Variants in RARB observed in about 807,000 individuals in gnomAD.
The protein encoded by RARB is HBV-activated protein.
RARB carries 17 observed loss-of-function variants against 51.9 expected under a neutral mutation model. The observed-to-expected ratio is 0.33, with a 90% CI of 0.22 to 0.49. The LOEUF (loss-of-function observed/expected upper bound fraction) is 0.49, where lower values mean the gene tolerates loss of function less well. Among genes scored for constraint, RARB ranks in the 20% least tolerant of loss-of-function variants. The pLI is 0.99. For synonymous variants in RARB, 215 were observed against 195.4 expected (o/e 1.10, Z -0.84); for missense variants, 369 against 550.8 (o/e 0.67, Z 3.30).
intron 3 of RARB, among the ~76,000 whole-genome samples, chr3:25,123,380 A>G (rs1022519521): frequency 3.9e-5 from 6 of 152,232 alleles, no homozygotes; most frequent in East Asian, 3.9e-4. Context: ...CCTCAAAATC[A>G]TAGTGGGCTT....
intron 5 of RARB, among the ~76,000 whole-genome samples, chr3:25,264,001 C>A (rs1337111005): frequency 1.3e-5 from 2 of 152,038 alleles, no homozygotes; most frequent in Admixed American, 1.3e-4. Flanking sequence ...TTGTTTTGCA[C>A]AATGGCAACA....
chr3:25,448,710 G>T (rs1006837256), intron 1 of RARB, among the ~76,000 whole-genome samples: 1 of 152,104 alleles, frequency 6.6e-6, no homozygotes, highest in African/African-American at 2.4e-5. Flanking sequence ...CAGGTGATCC[G>T]CCTGTCTTGG....
intron 5 of RARB, among the ~76,000 whole-genome samples, chr3:25,417,077 G>C (rs1707723775): frequency 6.6e-6 from 1 of 151,912 alleles, no homozygotes; most frequent in African/African-American, 2.4e-5. Context: ...CACATAGCCA[G>C]AACAAGCCTA....
At chr3:25,418,604 G>T (rs1424018322) in intron 5 of RARB, among the ~76,000 whole-genome samples, 1 of 150,548 alleles carries the variant, frequency 6.6e-6, no homozygotes, top group African/African-American at 2.5e-5. Flanking sequence ...ATCTCAACAG[G>T]TGTGAAAGAA....
At chr3:25,019,093 CTT>C in intron 2 of RARB, among the ~76,000 whole-genome samples, 1 of 152,262 alleles carries the variant, frequency 6.6e-6, no homozygotes, top group South Asian at 2.1e-4. Flanking sequence ...AGAGATGACT[CTT>C]GGGAAATCAC....
intron 5 of RARB, among the ~76,000 whole-genome samples, chr3:25,407,617 A>G (rs1005080479): frequency 1.3e-5 from 2 of 152,092 alleles, no homozygotes; most frequent in Non-Finnish European, 2.9e-5. Context: ...CGTTTTATAT[A>G]TTTGCACATG....
chr3:24,995,794 T>G (rs1385385855), intron 2 of RARB, among the ~76,000 whole-genome samples: 1 of 152,124 alleles, frequency 6.6e-6, no homozygotes, highest in African/African-American at 2.4e-5. Context: ...ACCATCCTTG[T>G]ATCCCTGGGA....
At chr3:24,974,800 G>A (rs967269011) in intron 2 of RARB, among the ~76,000 whole-genome samples, 4 of 152,130 alleles carry the variant, frequency 2.6e-5, no homozygotes, top group South Asian at 2.1e-4. Context: ...ACTCTCAACC[G>A]TTAACATTTT....
intron 5 of RARB, among the ~76,000 whole-genome samples, chr3:25,407,290 G>A (rs1223800957): frequency 3.3e-5 from 5 of 152,160 alleles, no homozygotes; most frequent in East Asian, 1.9e-4. Flanking sequence ...ATAAACTTCA[G>A]TCTTTAGAAA....
chr3:25,295,039 G>C (rs1028937067), intron 5 of RARB, among the ~76,000 whole-genome samples: 4 of 152,176 alleles, frequency 2.6e-5, no homozygotes, highest in Non-Finnish European at 5.9e-5. Flanking sequence ...TTTCCCAAAA[G>C]AGTAATATGT....
chr3:25,327,668 G>T (rs959112116), intron 5 of RARB, among the ~76,000 whole-genome samples: 1 of 152,162 alleles, frequency 6.6e-6, no homozygotes, highest in Non-Finnish European at 1.5e-5. Context: ...AAACAGAAAG[G>T]ATTCATGAAA....
intron 5 of RARB, among the ~76,000 whole-genome samples, chr3:25,198,752 C>G (rs1701309960): frequency 6.6e-6 from 1 of 152,004 alleles, no homozygotes; most frequent in African/African-American, 2.4e-5. Context: ...TCATCTTACC[C>G]AAGTTAAAAT....
intron 5 of RARB, among the ~76,000 whole-genome samples, chr3:25,281,708 G>A (rs530759550): frequency 6.6e-6 from 1 of 152,294 alleles, no homozygotes; most frequent in East Asian, 1.9e-4. Context: ...CTCTGTTGAG[G>A]AGGATTTTAA....
At chr3:25,367,140 T>C (rs543856321) in intron 5 of RARB, among the ~76,000 whole-genome samples, 7 of 152,308 alleles carry the variant, frequency 4.6e-5, no homozygotes, top group South Asian at 4.1e-4. Context: ...TTTCCTCAGG[T>C]TGGAATAACA....
At chr3:24,925,377 T>C (rs1230476810) in intron 2 of RARB, among the ~76,000 whole-genome samples, 1 of 152,074 alleles carries the variant, frequency 6.6e-6, no homozygotes, top group East Asian at 1.9e-4. Context: ...GCATGGTGGC[T>C]CAAGCCTGTA....
chr3:25,343,851 G>A (rs1705307151), intron 5 of RARB, among the ~76,000 whole-genome samples: 1 of 152,188 alleles, frequency 6.6e-6, no homozygotes, highest in Admixed American at 6.5e-5. Flanking sequence ...GTCTTGTCAT[G>A]AGGAAAATAC....
At chr3:25,290,682 A>T (rs76800056) in intron 5 of RARB, among the ~76,000 whole-genome samples, 1 of 152,204 alleles carries the variant, frequency 6.6e-6, no homozygotes, top group Non-Finnish European at 1.5e-5. Flanking sequence ...TGCTCATGCA[A>T]TTCACCTCCT....
chr3:25,231,511 G>C (rs1702175510), intron 5 of RARB, among the ~76,000 whole-genome samples: 1 of 152,118 alleles, frequency 6.6e-6, no homozygotes, highest in African/African-American at 2.4e-5. Flanking sequence ...AGATCTTTTA[G>C]GTTACTCCTC....
intron 5 of RARB, among the ~76,000 whole-genome samples, chr3:25,592,501 G>A (rs928586988): frequency 1.3e-5 from 2 of 152,186 alleles, no homozygotes; most frequent in East Asian, 1.9e-4. Flanking sequence ...TGCAATGCAC[G>A]GAGCTCCTTA....
Sources: allele counts gnomAD v4.1 joint callset (sites outside exome capture counted in the v4.1 genomes callset), GRCh38; gene constraint gnomAD v4.1.1; transcripts MANE v1.5; gene names NCBI Gene and HGNC (gene_info 2026-07-23, HGNC 2026-07-21).